NBEA: variants seen among roughly 807,000 people sequenced by gnomAD.
The protein encoded by NBEA is neurobeachin.
A neutral mutation model predicts 343.4 loss-of-function variants in NBEA; 44 were observed. The observed-to-expected ratio is 0.13, with a 90% CI of 0.10 to 0.16. NBEA has a LOEUF of 0.16. Ranked by LOEUF, NBEA falls within the 10% of genes least tolerant of loss-of-function variation. NBEA has a pLI of 1.00. For synonymous variants in NBEA, 1,175 were observed against 1,238.7 expected (o/e 0.95, Z 1.08); for missense variants, 2,555 against 3,631.3 (o/e 0.70, Z 7.62).
intron 34 of NBEA, among the ~76,000 whole-genome samples, chr13:35,240,768 A>G (rs1411103554): frequency 6.6e-6 from 1 of 151,830 alleles, no homozygotes; most frequent in Non-Finnish European, 1.5e-5. Context: ...AATCAGAATA[A>G]TGGTTTGTTA....
chr13:35,378,424 G>A (rs538057741), intron 38 of NBEA, among the ~76,000 whole-genome samples: 2 of 152,274 alleles, frequency 1.3e-5, no homozygotes, highest in Admixed American at 6.5e-5. Flanking sequence ...TATCTTTAAG[G>A]TATATCATGA....
intron 34 of NBEA, among the ~76,000 whole-genome samples, chr13:35,275,640 A>G (rs2034527110): frequency 6.6e-6 from 1 of 152,242 alleles, no homozygotes; most frequent in Non-Finnish European, 1.5e-5. Context: ...TCTACAAAGA[A>G]CTTAAACAAA....
At chr13:35,299,959 T>C (rs1263100100) in intron 35 of NBEA, among the ~76,000 whole-genome samples, 2 of 152,152 alleles carry the variant, frequency 1.3e-5, no homozygotes, top group East Asian at 1.9e-4. Context: ...GGGACTAAAG[T>C]TGTCTTCCAT....
At chr13:35,147,213 C>T (rs1036686154) in intron 18 of NBEA, among the ~76,000 whole-genome samples, 1 of 152,210 alleles carries the variant, frequency 6.6e-6, no homozygotes, top group African/African-American at 2.4e-5. Context: ...ATACCATATT[C>T]TTCAGAGTCC....
At chr13:35,498,147 G>C (rs2076751644) in intron 41 of NBEA, among the ~76,000 whole-genome samples, 1 of 151,900 alleles carries the variant, frequency 6.6e-6, no homozygotes, top group Admixed American at 6.6e-5. Flanking sequence ...AGTATTACTT[G>C]CTTATAAGGA....
chr13:35,084,555 G>A (rs1294006745), intron 10 of NBEA, among the ~76,000 whole-genome samples: 1 of 152,014 alleles, frequency 6.6e-6, no homozygotes, highest in Admixed American at 6.6e-5. Flanking sequence ...ACACAACATA[G>A]CAGAATCTCT....
chr13:35,179,760 G>A, intron 28 of NBEA: 5 of 984,490 alleles, frequency 5.1e-6, no homozygotes, highest in Non-Finnish European at 6.0e-6. Context: ...GGATATTATG[G>A]TCTGTCACAG....
chr13:35,359,220 C>T (rs1484889733), intron 38 of NBEA, among the ~76,000 whole-genome samples: 1 of 152,140 alleles, frequency 6.6e-6, no homozygotes, highest in Admixed American at 6.5e-5. Flanking sequence ...ATATAGTCAC[C>T]TTATTTATAG....
intron 51 of NBEA, 130 bp from the exon 52 acceptor site, chr13:35,649,525 T>G: frequency 1.4e-6 from 1 of 732,234 alleles, no homozygotes; most frequent in Non-Finnish European, 2.3e-6. Context: ...AGTATGAAAG[T>G]TTAGGTGGCT....
chr13:35,354,263 G>T (rs996821815), intron 38 of NBEA, among the ~76,000 whole-genome samples: 2 of 152,068 alleles, frequency 1.3e-5, no homozygotes, highest in Admixed American at 1.3e-4. Context: ...CCCTTTTTGT[G>T]TCAGCTGAAT....
intron 26 of NBEA, among the ~76,000 whole-genome samples, chr13:35,172,862 G>C (rs79471118): frequency 1.3e-5 from 2 of 151,980 alleles, no homozygotes; most frequent in East Asian, 1.9e-4. Context: ...TTCAAACTCT[G>C]TACTACTTGT....
intron 26 of NBEA, among the ~76,000 whole-genome samples, chr13:35,172,077 T>G (rs1238685350): frequency 2.0e-5 from 3 of 152,048 alleles, no homozygotes; most frequent in Non-Finnish European, 4.4e-5. Flanking sequence ...AGAAAACTGC[T>G]GTTTTTGTAC....
At chr13:35,322,473 G>T (rs2038227081) in intron 36 of NBEA, among the ~76,000 whole-genome samples, 1 of 152,260 alleles carries the variant, frequency 6.6e-6, no homozygotes, top group Non-Finnish European at 1.5e-5. Context: ...TCATCCCAAT[G>T]AGATGAGCTG....
chr13:35,419,381 A>G (rs975931525), intron 38 of NBEA, among the ~76,000 whole-genome samples: 3 of 152,152 alleles, frequency 2.0e-5, no homozygotes, highest in African/African-American at 4.8e-5. Flanking sequence ...TTATAAGGGC[A>G]CTAATCCCAT....
At chr13:34,954,709 A>G (rs991084667) in intron 1 of NBEA, among the ~76,000 whole-genome samples, 1 of 152,194 alleles carries the variant, frequency 6.6e-6, no homozygotes, top group African/African-American at 2.4e-5. Context: ...CATATAACCA[A>G]TGAATATCTT....
chr13:35,420,531 T>C (rs1239024493), intron 38 of NBEA, among the ~76,000 whole-genome samples: 1 of 151,954 alleles, frequency 6.6e-6, no homozygotes, highest in African/African-American at 2.4e-5. Flanking sequence ...GCTATAATAA[T>C]TATTGAGAAA....
chr13:35,026,350 T>C (rs2062019750), intron 1 of NBEA, among the ~76,000 whole-genome samples: 1 of 152,152 alleles, frequency 6.6e-6, no homozygotes, highest in Non-Finnish European at 1.5e-5. Flanking sequence ...AGAGCCTCCT[T>C]GTAATCTCAC....
At chr13:34,958,796 C>G (rs2059574785) in intron 1 of NBEA, among the ~76,000 whole-genome samples, 1 of 152,002 alleles carries the variant, frequency 6.6e-6, no homozygotes. Context: ...CCAAGAATTG[C>G]AATAGTTTAT....
intron 16 of NBEA, 54 bp downstream of exon 16, chr13:35,118,528 C>G: frequency 1.6e-6 from 2 of 1,280,432 alleles, no homozygotes; most frequent in South Asian, 1.3e-5. Flanking sequence ...ACAGTTGTTC[C>G]TCCTAGAATA....
Sources: allele counts gnomAD v4.1 joint callset (sites outside exome capture counted in the v4.1 genomes callset), GRCh38; gene constraint gnomAD v4.1.1; transcripts MANE v1.5; gene names NCBI Gene and HGNC (gene_info 2026-07-23, HGNC 2026-07-21).